The following OR2K2 variants were observed in gnomAD, a reference collection of about 807,000 sequenced individuals.
The protein encoded by OR2K2 is olfactory receptor 2K2.
In OR2K2, 7 loss-of-function variants were observed where a neutral mutation model predicts 11.1. The observed-to-expected ratio is 0.63, with a 90% CI of 0.36 to 1.19. OR2K2 has a LOEUF of 1.19. Ranked by LOEUF, OR2K2 falls within the 50% of genes most tolerant of loss-of-function variation. OR2K2 has a pLI of 0.02. For missense variants in OR2K2, 391 were observed against 383.4 expected, an observed-to-expected ratio of 1.02 and a Z score of -0.17; for synonymous variants, 152 against 150.8, an observed-to-expected ratio of 1.01 and a Z score of -0.06.
Position 111,328,470 on chromosome 9 carries a change from C to A in OR2K2, c.-37G>T. On this transcript the variant is annotated 5_prime_UTR_variant, in exon 2 of 2. Transcript: ENST00000302681. ...CATCTATATTTCTTCCAGTACTATT[C>A]CCTTCATTTAATCTGAGGACATAAA... 7.5e-7 allele frequency: 1 copy of A among 1,340,120 alleles called. No individual in the cohort carries two copies. 83.0% of individuals were successfully genotyped at this position (1,340,120 alleles called of 1,614,324 possible).
At position 111,329,002 on chromosome 9, in the gene OR2K2, C is replaced by G. The variant is rs1391965201; in HGVS notation, c.-49-520G>C. 4.6e-5 allele frequency among the ~76,000 whole-genome samples: 7 copies of G among 152,054 alleles called. No homozygotes were observed. In the East Asian group the frequency reaches 1.4e-3, roughly 29 times the overall value. ...GGCTGAGGCGGGTGGATTGCTTGAG[C>G]TCAGGAGTTTGACCAGCCTGGGCAA... On this transcript the variant is annotated intron_variant, in intron 1 of 1. Coordinates refer to ENST00000302681, the MANE Select transcript of OR2K2 (RefSeq NM_205859.2).
rs146745154 is a variant in OR2K2, at chr9:111,328,006, C to T, written c.428G>A (p.Arg143Gln). The change falls in exon 2 of 2, where the codon CGG (arginine) becomes CAG (glutamine). Residue 143 changes from arginine (R) to glutamine (Q), a missense_variant. By Grantham distance (43) the Arg-to-Gln change is conservative (BLOSUM62 1). Transcript: ENST00000302681. ...CGTCACCCAGGAGACCGTAGCCATCCGTGCACAGACGCACCTGTTCATGAT... is the reference window on the plus strand; with the variant it reads ...CGTCACCCAGGAGACCGTAGCCATCTGTGCACAGACGCACCTGTTCATGAT... Reference protein sequence around the residue: ...SIIMNRCVCARMATVSWVTGC... With the variant: ...SIIMNRCVCAQMATVSWVTGC... 14 of 1,614,048 alleles carry T rather than the reference C, an allele frequency of 8.7e-6. No individual in the cohort carries two copies. In the Admixed American group the frequency reaches 1.0e-4, roughly 12 times the overall value.
intron 1 of OR2K2, among the ~76,000 whole-genome samples, chr9:111,329,052 C>T (rs1180492902): frequency 2.0e-5 from 3 of 151,954 alleles, no homozygotes; most frequent in South Asian, 4.1e-4. Context: ...CCTATCTCTA[C>T]GAAAAATACA....
In OR2K2 at chr9:111,327,901, CA is replaced by C; in HGVS notation, c.532del (p.Cys178ValfsTer7). On this transcript the variant is annotated frameshift_variant, in exon 2 of 2. Coordinates refer to ENST00000302681, the MANE Select transcript of OR2K2 (RefSeq NM_205859.2). LOFTEE classifies it high-confidence loss of function. ...TAACTTTAGCACCGCCAGAATTTCA[CA>C]CGTGAAGTGATCGATGAGATTCCCA... ...LCGNLIDHFT[C>X]EILAVLKLAC... The C allele has an allele frequency of 6.2e-7, 1 of 1,614,202 alleles. No individual in the cohort carries two copies. Among genetic ancestry groups the C allele is most frequent in the Non-Finnish European group, 8.5e-7 (1 of 1,180,038 alleles).
Position 111,327,803 on chromosome 9 carries a change from G to T in OR2K2, c.631C>A (p.Leu211Ile), listed in dbSNP as rs1320116666. 4 of 1,614,054 alleles carry T rather than the reference G, an allele frequency of 2.5e-6. No individual in the cohort carries two copies. The highest frequency in any genetic ancestry group is 3.4e-6 in the Non-Finnish European group (4 of 1,180,038). ...VSILLLPIPMLLVCISYIFIL... is the reference protein window; with the variant it reads ...VSILLLPIPMILVCISYIFIL... The stretch of plus-strand genomic sequence containing the variant: ...AAGATGTAAGAGATGCAAACTAAGA[G>T]CATTGGAATTGGCAAGAGGAGAATG... Residue 211 changes from leucine to isoleucine, a missense_variant, in exon 2 of 2, where the codon CTC becomes ATC. Coordinates refer to ENST00000302681, the MANE Select transcript of OR2K2 (RefSeq NM_205859.2).
Position 111,328,229 on chromosome 9 carries a change from T to A in OR2K2, c.205A>T (p.Met69Leu). Residue 69 changes from methionine (M) to leucine (L), a missense_variant, in exon 2 of 2, where the codon ATG becomes TTG. Coordinates refer to ENST00000302681, the MANE Select transcript of OR2K2 (RefSeq NM_205859.2). The stretch of plus-strand genomic sequence containing the variant: ...GAGGCAGATGTGTAACAAATATCCA[T>A]GAAAGAGAGATTTCCAAGGAATAAG... The part of the protein sequence containing the change: ...MYLFLGNLSF[M>L]DICYTSASVP... The A allele has an allele frequency of 6.2e-7, 1 of 1,614,086 alleles. No individual in the cohort carries two copies.
intron 1 of OR2K2, among the ~76,000 whole-genome samples, chr9:111,329,497 T>C (rs1256037977): frequency 6.6e-6 from 1 of 152,184 alleles, no homozygotes; most frequent in Non-Finnish European, 1.5e-5. Context: ...CCAGGCAATA[T>C]ACGAAAACCC....
Position 111,327,870 on chromosome 9 carries a change from G to A in OR2K2, c.564C>T (p.Cys188=). The change falls in exon 2 of 2, where the codon TGC becomes TGT. Residue 188 remains cysteine, a synonymous_variant. Transcript: ENST00000302681. ...TGGTGTTCATGAGCAGTGAACTTGT[G>A]CAAGCTAACTTTAGCACCGCCAGAA... ...CEILAVLKLA[C]TSSLLMNTIM... is the part of the protein sequence containing the mutation. 1 of 1,614,182 alleles carries A rather than the reference G, an allele frequency of 6.2e-7. No homozygotes were observed. Among genetic ancestry groups the A allele is most frequent in the Non-Finnish European group, 8.5e-7 (1 of 1,180,036 alleles).
In OR2K2 at chr9:111,328,303, GT is replaced by G; in HGVS notation, c.130del (p.Thr44LeufsTer4). ...ATCTAGGATAGTGATCAAAATAAGAGTGCTGTTGCCCAAGAGCGTTGTCAGA... is the reference window on the plus strand; with the variant it reads ...ATCTAGGATAGTGATCAAAATAAGAGGCTGTTGCCCAAGAGCGTTGTCAGA... ...MYLTTLLGNS[T>X]LILITILDSR... On this transcript the variant is annotated frameshift_variant, in exon 2 of 2. Coordinates refer to ENST00000302681, the MANE Select transcript of OR2K2 (RefSeq NM_205859.2). LOFTEE classifies it high-confidence loss of function. 1 of 1,614,108 alleles carries G rather than the reference GT, an allele frequency of 6.2e-7. No homozygotes were observed. The highest frequency in any genetic ancestry group is 8.5e-7 in the Non-Finnish European group (1 of 1,179,984).
rs759956893 is a variant in OR2K2, at chr9:111,327,859, A to G, written c.575T>C (p.Leu192Pro). 1.9e-6 allele frequency: 3 copies of G among 1,614,232 alleles called. No homozygotes were observed. The highest frequency in any genetic ancestry group is 4.5e-5 in the East Asian group (2 of 44,884). The change falls in exon 2 of 2, where the codon CTG (leucine) becomes CCG (proline). Residue 192 changes from leucine to proline, a missense_variant. Transcript: ENST00000302681. ...CACCAGCATGATGGTGTTCATGAGC[A>G]GTGAACTTGTGCAAGCTAACTTTAG... The part of the protein sequence containing the change: ...AVLKLACTSS[L>P]LMNTIMLVVS...
rs1045543879 is a variant in OR2K2, at chr9:111,328,322, T to C, written c.112A>G (p.Thr38Ala). The change falls in exon 2 of 2, where the codon ACG becomes GCG. Residue 38 changes from threonine (T) to alanine (A), a missense_variant. Coordinates refer to ENST00000302681, the MANE Select transcript of OR2K2 (RefSeq NM_205859.2). ...ATAAGAGTGCTGTTGCCCAAGAGCG[T>C]TGTCAGATACATTACAAGGCTGAAG... is the stretch of plus-strand genomic sequence containing the variant. Reference protein sequence around the residue: ...FVFSLVMYLTTLLGNSTLILI... With the variant: ...FVFSLVMYLTALLGNSTLILI... 2.5e-6 allele frequency: 4 copies of C among 1,613,916 alleles called. No homozygotes were observed. Among genetic ancestry groups the C allele is most frequent in the Admixed American group, 3.3e-5 (2 of 59,982 alleles).
chr9:111,327,911 G>T lies in OR2K2; in HGVS notation c.523C>A (p.His175Asn). Residue 175 changes from histidine (H) to asparagine (N), a missense_variant, in exon 2 of 2, where the codon CAC (histidine) becomes AAC (asparagine). Physicochemically the swap from His to Asn is moderately conservative, Grantham distance 68. Transcript: ENST00000302681. ...ACCGCCAGAATTTCACACGTGAAGT[G>T]ATCGATGAGATTCCCACAGAGGGGT... ...QIPLCGNLID[H>N]FTCEILAVLK... 1 of 1,614,198 alleles carries T rather than the reference G, an allele frequency of 6.2e-7. No homozygotes were observed. Among genetic ancestry groups the T allele is most frequent in the Non-Finnish European group, 8.5e-7 (1 of 1,180,048 alleles).
Position 111,330,209 on chromosome 9 carries a change from C to T in OR2K2, c.-153G>A, listed in dbSNP as rs1333835727. 1.3e-5 allele frequency: 2 copies of T among 152,118 alleles called. No homozygotes were observed. The highest frequency in any genetic ancestry group is 4.8e-5 in the African/African-American group (2 of 41,434). The allele number at this position is 152,118 out of a possible 1,614,324, so 9.4% of individuals were successfully genotyped here. A position where few individuals can be genotyped will look rare whatever the true frequency, so the allele number is the denominator to read the frequency against. On this transcript the variant is annotated 5_prime_UTR_variant, in exon 1 of 2. Coordinates refer to ENST00000302681, the MANE Select transcript of OR2K2 (RefSeq NM_205859.2). Reference sequence around the variant, plus strand: ...TCAAATAAAACGTTGTTTTATGATGCACTTCATAAAGTTAACTACGTCCAA... The same window carrying T: ...TCAAATAAAACGTTGTTTTATGATGTACTTCATAAAGTTAACTACGTCCAA...
rs138721319 is a variant in OR2K2, at chr9:111,328,078, G to A, written c.356C>T (p.Ala119Val). ...STECVLLAVM[A>V]YDRYVAICNP... is the part of the protein sequence containing the mutation. ...ACAAATGGCCACATAACGGTCATAT[G>A]CCATCACGGCCAGGAGCACACACTC... The change falls in exon 2 of 2, where the codon GCA (alanine) becomes GTA (valine). Residue 119 changes from alanine to valine, a missense_variant. Transcript: ENST00000302681. The A allele has an allele frequency of 1.7e-4, 270 of 1,614,156 alleles. No homozygotes were observed. In the African/African-American group the frequency reaches 3.4e-3, roughly 20 times the overall value.
chr9:111,327,736 C>T lies in OR2K2; in HGVS notation c.698G>A (p.Arg233Lys). ...ACCACAGGTAGAAAAAGCCTTGTTT[C>T]TTCCCTCTGCTGAGGTGATTCTCAG... Reference protein sequence around the residue: ...TILRITSAEGRNKAFSTCGAH... With the variant: ...TILRITSAEGKNKAFSTCGAH... Residue 233 changes from arginine (R) to lysine (K), a missense_variant, in exon 2 of 2, where the codon AGA becomes AAA. Arg to Lys is a conservative substitution (Grantham distance 26). Coordinates refer to ENST00000302681, the MANE Select transcript of OR2K2 (RefSeq NM_205859.2). 6.2e-7 allele frequency: 1 copy of T among 1,614,164 alleles called. No individual in the cohort carries two copies. Among genetic ancestry groups the T allele is most frequent in the Non-Finnish European group, 8.5e-7 (1 of 1,180,020 alleles).
chr9:111,328,333 A>G lies in OR2K2; in HGVS notation c.101T>C (p.Met34Thr). 1.9e-6 allele frequency: 3 copies of G among 1,613,918 alleles called. No individual in the cohort carries two copies. The highest frequency in any genetic ancestry group is 1.7e-6 in the Non-Finnish European group (2 of 1,179,878). ...GTTGCCCAAGAGCGTTGTCAGATACATTACAAGGCTGAAGACGAAGAGAAC... is the reference window on the plus strand; with the variant it reads ...GTTGCCCAAGAGCGTTGTCAGATACGTTACAAGGCTGAAGACGAAGAGAAC... ...EVVLFVFSLVMYLTTLLGNST... is the reference protein window; with the variant it reads ...EVVLFVFSLVTYLTTLLGNST... The change falls in exon 2 of 2, where the codon ATG becomes ACG. Residue 34 changes from methionine to threonine, a missense_variant. Coordinates refer to ENST00000302681, the MANE Select transcript of OR2K2 (RefSeq NM_205859.2).
In OR2K2 at chr9:111,328,330, T is replaced by C; in HGVS notation, c.104A>G (p.Tyr35Cys). ...GCTGTTGCCCAAGAGCGTTGTCAGA[T>C]ACATTACAAGGCTGAAGACGAAGAG... is the stretch of plus-strand genomic sequence containing the variant. ...VVLFVFSLVMYLTTLLGNSTL... is the reference protein window; with the variant it reads ...VVLFVFSLVMCLTTLLGNSTL... The change falls in exon 2 of 2, where the codon TAT becomes TGT. Residue 35 changes from tyrosine to cysteine, a missense_variant. By Grantham distance (194) the Tyr-to-Cys change is radical (BLOSUM62 -2). Transcript: ENST00000302681. 1 of 1,614,048 alleles carries C rather than the reference T, an allele frequency of 6.2e-7. No homozygotes were observed. The highest frequency in any genetic ancestry group is 8.5e-7 in the Non-Finnish European group (1 of 1,179,996).
chr9:111,327,234 T>G lies in OR2K2; in HGVS notation c.*249A>C, dbSNP rs2098101475. Among the ~76,000 whole-genome samples, 1 of 152,226 alleles carries G rather than the reference T, an allele frequency of 6.6e-6. No homozygotes were observed. Among genetic ancestry groups the G allele is most frequent in the East Asian group, 1.9e-4 (1 of 5,206 alleles). On this transcript the variant is annotated 3_prime_UTR_variant, in exon 2 of 2. Coordinates refer to ENST00000302681, the MANE Select transcript of OR2K2 (RefSeq NM_205859.2). The stretch of plus-strand genomic sequence containing the variant: ...ATCACAGAAGATATACACGATTTCT[T>G]CTGTAGCAAACATTTAATGACTCTA...
At chr9:111,329,882 G>A (rs377608533) in intron 1 of OR2K2, among the ~76,000 whole-genome samples, 189 of 152,008 alleles carry the variant, frequency 1.2e-3, no homozygotes, top group Non-Finnish European at 2.2e-3. Context: ...ACCTTCAACC[G>A]TTTTCTTTCT....
Sources: allele counts gnomAD v4.1 joint callset (sites outside exome capture counted in the v4.1 genomes callset), GRCh38; gene constraint gnomAD v4.1.1; transcripts MANE v1.5; gene names NCBI Gene and HGNC (gene_info 2026-07-23, HGNC 2026-07-21).